The following PROKR2 variants were observed in gnomAD, a reference collection of about 807,000 sequenced individuals.
The protein encoded by PROKR2 is prokineticin receptor 2, also known as G protein-coupled receptor 73-like 1.
A neutral mutation model predicts 23.4 loss-of-function variants in PROKR2; 26 were observed. That is an observed-to-expected ratio of 1.11 (90% confidence interval 0.81 to 1.54). PROKR2 has a LOEUF of 1.54. PROKR2 is among the 40% of genes most tolerant of loss of function. The pLI, the probability that PROKR2 is intolerant of heterozygous loss-of-function variation, is 0.00. For missense variants in PROKR2, 453 were observed against 511.5 expected, an observed-to-expected ratio of 0.89 and a Z score of 1.10; for synonymous variants, 212 against 201.2, an observed-to-expected ratio of 1.05 and a Z score of -0.45.
intron 1 of PROKR2, 142 bp from the exon 2 acceptor site, chr20:5,314,519 C>T (rs556517626): frequency 1.3e-6 from 1 of 744,812 alleles, no homozygotes; most frequent in South Asian, 1.5e-5. Context: ...GAGGCACAAC[C>T]AGTGGGCAAC....
chr20:5,312,788 G>T (rs559178465), intron 2 of PROKR2, among the ~76,000 whole-genome samples: 1 of 152,278 alleles, frequency 6.6e-6, no homozygotes, highest in East Asian at 1.9e-4. Context: ...CTGCCCCCTC[G>T]AACAGAGCCA....
chr20:5,301,470 T>G lies in PROKR2; in HGVS notation c.*570A>C, dbSNP rs2019051. Among the ~76,000 whole-genome samples the G allele has an allele frequency of 3.9e-5, 6 of 151,986 alleles. No homozygotes were observed. The highest frequency in any genetic ancestry group is 2.0e-4 in the Admixed American group (3 of 15,272). On this transcript the variant is annotated 3_prime_UTR_variant, in exon 3 of 3. Coordinates refer to ENST00000678254, the MANE Select transcript of PROKR2 (RefSeq NM_144773.4). ...TGGGTTGAACTCCTGACCTCAAGTG[T>G]TCCACGTGCCTCAGCCTCCCCAAGT... is the stretch of plus-strand genomic sequence containing the variant.
At chr20:5,312,475 G>T (rs1979479936) in intron 2 of PROKR2, among the ~76,000 whole-genome samples, 1 of 152,212 alleles carries the variant, frequency 6.6e-6, no homozygotes. Context: ...GCAGTTGGTT[G>T]ATAGGTACAC....
intron 1 of PROKR2, among the ~76,000 whole-genome samples, chr20:5,314,713 G>C (rs1490719891): frequency 6.6e-6 from 1 of 152,246 alleles, no homozygotes; most frequent in Non-Finnish European, 1.5e-5. Context: ...AGACTGTCCA[G>C]AACTCTCAAG....
chr20:5,315,671 C>T, intron 1 of PROKR2: 3 of 358,914 alleles, frequency 8.4e-6, no homozygotes, highest in South Asian at 6.2e-5. Flanking sequence ...GCAAAAGACA[C>T]CCTAACCTGG....
chr20:5,305,064 A>T (rs1387431614), intron 2 of PROKR2, among the ~76,000 whole-genome samples: 1 of 152,270 alleles, frequency 6.6e-6, no homozygotes, highest in African/African-American at 2.4e-5. Context: ...TCAGGCCACC[A>T]GATAGGGGAA....
In PROKR2 at chr20:5,314,097, G is replaced by A. The variant is rs759954578; in HGVS notation, c.273C>T (p.Leu91=). The part of the protein sequence containing the change: ...YKKLRNLTNL[L]IANLAISDFL... Reference sequence around the variant, plus strand: ...AGTCGGAGATGGCCAGGTTGGCAATGAGCAGATTGGTGAGGTTGCGCAACT... The same window carrying A: ...AGTCGGAGATGGCCAGGTTGGCAATAAGCAGATTGGTGAGGTTGCGCAACT... Residue 91 remains leucine (L), a synonymous_variant, in exon 2 of 3, where the codon CTC becomes CTT. Transcript: ENST00000678254. 43 of 1,614,110 alleles carry A rather than the reference G, an allele frequency of 2.7e-5. No homozygotes were observed. Among genetic ancestry groups the A allele is most frequent in the Non-Finnish European group, 3.3e-5 (39 of 1,180,054 alleles).
chr20:5,315,235 G>GAATTCCATGCAAAAAAAAAAAAAAA (rs1330572086), intron 1 of PROKR2, among the ~76,000 whole-genome samples: 3 of 150,088 alleles, frequency 2.0e-5, no homozygotes, highest in Non-Finnish European at 4.5e-5. Context: ...ACCAGCTCCA[G>GAATTCCATGCAAAAAAAAAAAAAAA]AAAGAAATCC....
In PROKR2 at chr20:5,302,524, AAGTAGGACTTGT is replaced by A; in HGVS notation, c.659_670del (p.Tyr220_Tyr223del). ...GAACTCGACACCAAAGATGAAGAGGAAGTAGGACTTGTAGTAGAGCTGCTGATCCACAGGCCA... is the reference window on the plus strand; with the variant it reads ...GAACTCGACACCAAAGATGAAGAGGAAGTAGAGCTGCTGATCCACAGGCCA... On this transcript the variant is annotated inframe_deletion, in exon 3 of 3. Coordinates refer to ENST00000678254, the MANE Select transcript of PROKR2 (RefSeq NM_144773.4). 6.2e-7 allele frequency: 1 copy of A among 1,614,222 alleles called. No homozygotes were observed. Among genetic ancestry groups the A allele is most frequent in the Non-Finnish European group, 8.5e-7 (1 of 1,180,032 alleles).
In PROKR2 at chr20:5,301,838, C is replaced by T. The variant is rs773339343; in HGVS notation, c.*202G>A. Among the ~76,000 whole-genome samples, 1 of 152,114 alleles carries T rather than the reference C, an allele frequency of 6.6e-6. No individual in the cohort carries two copies. The highest frequency in any genetic ancestry group is 2.4e-5 in the African/African-American group (1 of 41,418). ...TTGGGATTGTGGACACAGTAGGTGTCGAGCGGATATCAGTAAATGTCAGCT... is the reference window on the plus strand; with the variant it reads ...TTGGGATTGTGGACACAGTAGGTGTTGAGCGGATATCAGTAAATGTCAGCT... On this transcript the variant is annotated 3_prime_UTR_variant, in exon 3 of 3. Transcript: ENST00000678254.
chr20:5,302,423 AC>A lies in PROKR2; in HGVS notation c.771del (p.Phe258SerfsTer49). On this transcript the variant is annotated frameshift_variant, in exon 3 of 3. Transcript: ENST00000678254. LOFTEE classifies it high-confidence loss of function. Reference protein sequence around the residue: ...SRELWFKAVPGFQTEQIRKRL... With the variant: ...SRELWFKAVPXFQTEQIRKRL... ...CGCTTGCGAATCTGCTCCGTCTGGA[AC>A]CCAGGGACTGCCTTGAACCAGAGCT... is the stretch of plus-strand genomic sequence containing the variant. The A allele has an allele frequency of 6.2e-7, 1 of 1,614,182 alleles. No homozygotes were observed. Among genetic ancestry groups the A allele is most frequent in the Non-Finnish European group, 8.5e-7 (1 of 1,180,024 alleles).
intron 2 of PROKR2, among the ~76,000 whole-genome samples, chr20:5,309,599 AC>A (rs1979356933): frequency 6.6e-6 from 1 of 152,244 alleles, no homozygotes. Flanking sequence ...CTGATTAGCA[AC>A]CTTAATTCCA....
intron 2 of PROKR2, among the ~76,000 whole-genome samples, chr20:5,303,667 G>T (rs1454753225): frequency 1.3e-5 from 2 of 152,078 alleles, no homozygotes; most frequent in Non-Finnish European, 2.9e-5. Context: ...TGGTGCCCTG[G>T]CATCATTTCT....
intron 2 of PROKR2, among the ~76,000 whole-genome samples, chr20:5,306,312 C>G (rs2122211320): frequency 6.6e-6 from 1 of 152,298 alleles, no homozygotes; most frequent in East Asian, 1.9e-4. Context: ...AGAATGTTAA[C>G]TGATTTAAGA....
rs73590537 is a variant in PROKR2 at position 5,300,857 on chromosome 20, A to G, written c.*1183T>C. ...CTGTCCTCTTTCCCCCTGACCCCAG[A>G]GCCACTGAAATCCTTTGCACTGAGG... is the stretch of plus-strand genomic sequence containing the variant. On this transcript the variant is annotated 3_prime_UTR_variant, in exon 3 of 3. Transcript: ENST00000678254. 0.045 allele frequency among the ~76,000 whole-genome samples: 6,815 copies of G among 152,230 alleles called. 359 individuals are homozygous for G. Among genetic ancestry groups the G allele is most frequent in the African/African-American group, 0.12 (4,870 of 41,526 alleles).
intron 2 of PROKR2, among the ~76,000 whole-genome samples, chr20:5,305,453 G>A (rs6053272): frequency 0.32 from 49,021 of 152,158 alleles, 8,345 homozygotes; most frequent in Non-Finnish European, 0.36. Flanking sequence ...TACAGGAGTC[G>A]TTGATTCAGA....
chr20:5,310,756 T>C (rs946773666), intron 2 of PROKR2, among the ~76,000 whole-genome samples: 40 of 113,670 alleles, frequency 3.5e-4, no homozygotes, highest in African/African-American at 1.4e-3. Context: ...CAGTGAAAGC[T>C]TGCTTAATTA....
intron 2 of PROKR2, among the ~76,000 whole-genome samples, chr20:5,305,182 A>T (rs1169943756): frequency 1.3e-5 from 2 of 152,256 alleles, no homozygotes; most frequent in African/African-American, 4.8e-5. Flanking sequence ...ATTTCGGAAA[A>T]CACCATGAGC....
rs543677594 is a variant in PROKR2 at position 5,302,657 on chromosome 20, C to T, written c.538G>A (p.Val180Met). 37 of 1,614,194 alleles carry T rather than the reference C, an allele frequency of 2.3e-5. 1 individual carries two copies. In the South Asian group the frequency reaches 4.0e-4, roughly 17 times the overall value. ...ASFLIALVWM[V>M]SILIAIPSAY... ...GATGGGATGGCAATGAGAATGGACA[C>T]CATCCAGACCAAGGCGATCAGGAAG... The change falls in exon 3 of 3, where the codon GTG becomes ATG. Residue 180 changes from valine (V) to methionine (M), a missense_variant. Physicochemically the swap from Val to Met is conservative, Grantham distance 21. Coordinates refer to ENST00000678254, the MANE Select transcript of PROKR2 (RefSeq NM_144773.4).
Sources: gnomAD v4.1 joint callset for allele counts (sites outside exome capture counted in the v4.1 genomes callset) on GRCh38, gnomAD v4.1.1 for gene constraint, MANE v1.5 for transcripts, NCBI Gene and HGNC (gene_info 2026-07-23, HGNC 2026-07-21) for gene names.